The following CSRNP3 variants were observed in gnomAD, a reference collection of about 807,000 sequenced individuals.
CSRNP3 encodes the protein cysteine and serine rich nuclear protein 3, also known as cysteine/serine-rich nuclear protein 3.
A neutral mutation model predicts 48.0 loss-of-function variants in CSRNP3; 12 were observed. The observed-to-expected ratio is 0.25, with a 90% CI of 0.16 to 0.41. CSRNP3 has a LOEUF of 0.41. Among genes scored for constraint, CSRNP3 ranks in the 10% least tolerant of loss-of-function variants. The probability of loss-of-function intolerance (pLI) is 1.00; values close to 1 mark genes in which losing one functional copy is unlikely to be tolerated. For missense variants in CSRNP3, 580 were observed against 724.4 expected (o/e 0.80, Z 2.29); for synonymous variants, 263 against 269.7 (o/e 0.98, Z 0.24).
intron 5 of CSRNP3, among the ~76,000 whole-genome samples, chr2:165,662,405 T>G (rs955061670): frequency 6.6e-6 from 1 of 152,196 alleles, no homozygotes; most frequent in African/African-American, 2.4e-5. Context: ...GAAAACTGAT[T>G]GAATAAAATG....
At chr2:165,676,994 A>ATGAT (rs1687436668) in intron 6 of CSRNP3, among the ~76,000 whole-genome samples, 1 of 152,212 alleles carries the variant, frequency 6.6e-6, no homozygotes, top group Admixed American at 6.5e-5. Context: ...ATATAAAATG[A>ATGAT]TGATTGATTA....
rs375877149 is a variant in CSRNP3, at chr2:165,567,463, G to T, written c.-23-27580G>T. 2.0e-4 allele frequency among the ~76,000 whole-genome samples: 31 copies of T among 152,196 alleles called. No individual in the cohort carries two copies. In the South Asian group the frequency reaches 5.2e-3, roughly 25 times the overall value. On this transcript the variant is annotated intron_variant, in intron 3 of 6. Coordinates refer to ENST00000651982, the MANE Select transcript of CSRNP3 (RefSeq NM_001172173.2). ...GATTTATGTACATATTGTAGATGCA[G>T]TAGCAGCAATTATAGAGCTATCCCT...
chr2:165,625,135 C>T (rs1021763361), intron 4 of CSRNP3, among the ~76,000 whole-genome samples: 3 of 152,092 alleles, frequency 2.0e-5, no homozygotes, highest in Non-Finnish European at 2.9e-5. Flanking sequence ...GAGCTCATTT[C>T]CTCATCTGCA....
intron 5 of CSRNP3, among the ~76,000 whole-genome samples, chr2:165,669,355 C>T (rs1687290871): frequency 6.6e-6 from 1 of 152,144 alleles, no homozygotes; most frequent in African/African-American, 2.4e-5. Context: ...TTTCTCTCTT[C>T]TAATCATTTT....
intron 4 of CSRNP3, among the ~76,000 whole-genome samples, chr2:165,608,767 G>T (rs1686072610): frequency 7.2e-6 from 1 of 138,418 alleles, no homozygotes; most frequent in East Asian, 2.1e-4. Flanking sequence ...TAGCAGTCTG[G>T]TAGTTAAAAA....
intron 3 of CSRNP3, among the ~76,000 whole-genome samples, chr2:165,520,808 T>G (rs1180115402): frequency 1.4e-5 from 1 of 70,814 alleles, no homozygotes. Context: ...TATATATATA[T>G]ATATATATAT....
intron 4 of CSRNP3, among the ~76,000 whole-genome samples, chr2:165,632,290 G>A (rs994296): frequency 0.5 from 75,840 of 151,936 alleles, 19,523 homozygotes; most frequent in Non-Finnish European, 0.57. Flanking sequence ...GGGAGGCTGA[G>A]GCAGGAGGAT....
intron 4 of CSRNP3, among the ~76,000 whole-genome samples, chr2:165,654,383 G>A (rs975445004): frequency 2.0e-4 from 30 of 152,252 alleles, no homozygotes; most frequent in African/African-American, 7.0e-4. Context: ...GTGTTACAAT[G>A]AATATATACA....
chr2:165,622,284 CT>C (rs1342440930), intron 4 of CSRNP3, among the ~76,000 whole-genome samples: 1 of 152,192 alleles, frequency 6.6e-6, no homozygotes, highest in African/African-American at 2.4e-5. Context: ...CTTTATACAT[CT>C]TTTGATTGGT....
chr2:165,607,336 T>A (rs563013874), intron 4 of CSRNP3, among the ~76,000 whole-genome samples: 1 of 152,178 alleles, frequency 6.6e-6, no homozygotes, highest in Non-Finnish European at 1.5e-5. Flanking sequence ...TGGCCATCAA[T>A]TAGAACTAAA....
intron 3 of CSRNP3, among the ~76,000 whole-genome samples, chr2:165,528,331 T>A (rs1425945841): frequency 6.6e-6 from 1 of 152,216 alleles, no homozygotes; most frequent in Admixed American, 6.5e-5. Flanking sequence ...TTGATATAAT[T>A]CCCTTTGTCT....
chr2:165,645,840 G>A (rs966035340), intron 4 of CSRNP3, among the ~76,000 whole-genome samples: 1 of 152,130 alleles, frequency 6.6e-6, no homozygotes, highest in Non-Finnish European at 1.5e-5. Context: ...CTGCCTCCCA[G>A]GCTCAAGTGA....
At chr2:165,470,083 C>G (rs921310724) in intron 1 of CSRNP3, among the ~76,000 whole-genome samples, 1 of 152,044 alleles carries the variant, frequency 6.6e-6, no homozygotes, top group Non-Finnish European at 1.5e-5. Context: ...TACTAGGAAT[C>G]GCAGGAAGGA....
At chr2:165,641,955 G>T (rs142206777) in intron 4 of CSRNP3, among the ~76,000 whole-genome samples, 160 of 152,166 alleles carry the variant, frequency 1.1e-3, no homozygotes, top group Non-Finnish European at 1.9e-3. Flanking sequence ...CCTTTTTACA[G>T]TCCAAGTCTG....
chr2:165,656,262 G>A (rs1162502040), intron 4 of CSRNP3, among the ~76,000 whole-genome samples: 1 of 152,080 alleles, frequency 6.6e-6, no homozygotes, highest in African/African-American at 2.4e-5. Context: ...AAAATGAAGG[G>A]GCTGAACCAG....
At chr2:165,629,883 T>C (rs1686503316) in intron 4 of CSRNP3, among the ~76,000 whole-genome samples, 1 of 152,216 alleles carries the variant, frequency 6.6e-6, no homozygotes, top group Non-Finnish European at 1.5e-5. Flanking sequence ...ATTCCCCTTT[T>C]ATTTCTGGCT....
Position 165,666,932 on chromosome 2 carries a change from GAA to G in CSRNP3, c.408+8913_408+8914del, listed in dbSNP as rs1373940505. Among the ~76,000 whole-genome samples, 13 of 46,212 alleles carry G rather than the reference GAA, an allele frequency of 2.8e-4. No homozygotes were observed. The South Asian group carries it at 3.2e-3, about 11-fold the overall frequency. The allele number at this position is 46,212 out of a possible 152,430, so 30.3% of individuals were successfully genotyped here. On this transcript the variant is annotated intron_variant, in intron 5 of 6. Coordinates refer to ENST00000651982, the MANE Select transcript of CSRNP3 (RefSeq NM_001172173.2). ...GGGCGGAAGGAAGGGAGGAAAGAGAGAAGAAGAAAGAAAGAGAGAGAGGAAGG... is the reference window on the plus strand; with the variant it reads ...GGGCGGAAGGAAGGGAGGAAAGAGAGGAAGAAAGAAAGAGAGAGAGGAAGG...
chr2:165,521,495 C>T (rs1274276481), intron 3 of CSRNP3, among the ~76,000 whole-genome samples: 1 of 152,138 alleles, frequency 6.6e-6, no homozygotes, highest in Admixed American at 6.5e-5. Context: ...AATCCAGTTC[C>T]CTAGGAATTT....
At chr2:165,638,360 C>T (rs1686668590) in intron 4 of CSRNP3, among the ~76,000 whole-genome samples, 1 of 152,020 alleles carries the variant, frequency 6.6e-6, no homozygotes, top group African/African-American at 2.4e-5. Context: ...ACTCAGGAGG[C>T]TGAGGCAGGA....
Sources: allele counts gnomAD v4.1 joint callset (sites outside exome capture counted in the v4.1 genomes callset), GRCh38; gene constraint gnomAD v4.1.1; transcripts MANE v1.5; gene names NCBI Gene and HGNC (gene_info 2026-07-23, HGNC 2026-07-21).